Variants in SERPINB9 observed in about 807,000 individuals in gnomAD.
The protein encoded by SERPINB9 is serpin family B member 9, also known as serpin B9.
A neutral mutation model predicts 27.2 loss-of-function variants in SERPINB9; 20 were observed. The observed-to-expected ratio is 0.74, with a 90% CI of 0.52 to 1.07. The LOEUF (loss-of-function observed/expected upper bound fraction) is 1.07. Ranked by LOEUF, SERPINB9 falls within the 50% of genes least tolerant of loss-of-function variation. SERPINB9 has a pLI of 0.00. For synonymous variants in SERPINB9, 189 were observed against 180.0 expected (o/e 1.05, Z -0.40); for missense variants, 476 against 460.1 (o/e 1.03, Z -0.32).
Position 2,894,144 on chromosome 6 carries a change from G to A in SERPINB9, c.425-591C>T, listed in dbSNP as rs1767917371. ...GGAGATCAAGTGGTACTGTTTCAAT[G>A]AACTGAGGGCATCCCTGCTAACCCA... On this transcript the variant is annotated intron_variant, in intron 4 of 6. Transcript: ENST00000380698. The surrounding 1 kb of genome is among the most constrained non-coding windows in gnomAD (Gnocchi z 4.7). Among the ~76,000 whole-genome samples, 1 of 152,092 alleles carries A rather than the reference G, an allele frequency of 6.6e-6. No individual in the cohort carries two copies. Among genetic ancestry groups the A allele is most frequent in the South Asian group, 2.1e-4 (1 of 4,822 alleles).
Position 2,891,797 on chromosome 6 carries a change from G to A in SERPINB9, c.723+36C>T, listed in dbSNP as rs1389874509. On this transcript the variant is annotated intron_variant, in intron 6 of 6. Coordinates refer to ENST00000380698, the MANE Select transcript of SERPINB9 (RefSeq NM_004155.6). This position sits in a 1 kb window ranked among gnomAD's most constrained non-coding sequence, Gnocchi z 4.0. ...GTGGCACTCGAGTTCTGCCCGCAAA[G>A]GTGTCCCTGGGTTCTTCCCGCAGCC... is the stretch of plus-strand genomic sequence containing the variant. 7.1e-6 allele frequency: 11 copies of A among 1,554,946 alleles called. No individual in the cohort carries two copies. The highest frequency in any genetic ancestry group is 2.1e-5 in the Admixed American group (1 of 47,978).
intron 2 of SERPINB9, among the ~76,000 whole-genome samples, chr6:2,899,486 T>C (rs1768121000): frequency 6.6e-6 from 1 of 152,232 alleles, no homozygotes; most frequent in African/African-American, 2.4e-5. Flanking sequence ...TTGCCAAAAA[T>C]AATTATTTCA....
chr6:2,900,752 G>A (rs1385373331), intron 1 of SERPINB9, 131 bp from the exon 2 acceptor site: 4 of 856,344 alleles, frequency 4.7e-6, no homozygotes, highest in Non-Finnish European at 7.2e-6. Context: ...TTAAATTGGA[G>A]AAAAATTTAT....
intron 1 of SERPINB9, among the ~76,000 whole-genome samples, chr6:2,901,459 G>T (rs1316488369): frequency 1.3e-5 from 2 of 149,774 alleles, no homozygotes; most frequent in African/African-American, 4.9e-5. Flanking sequence ...GTGAGAGGAA[G>T]GATCTGATCC....
intron 2 of SERPINB9, among the ~76,000 whole-genome samples, chr6:2,898,430 T>C (rs1429386438): frequency 6.6e-6 from 1 of 152,254 alleles, no homozygotes; most frequent in Non-Finnish European, 1.5e-5. Context: ...TTGCTTTACA[T>C]GGACTGTCTC....
At chr6:2,899,562 T>C (rs1253062581) in intron 2 of SERPINB9, among the ~76,000 whole-genome samples, 1 of 152,252 alleles carries the variant, frequency 6.6e-6, no homozygotes, top group Non-Finnish European at 1.5e-5. Context: ...CCTCCCTGAA[T>C]GTGCACATAG....
Position 2,896,197 on chromosome 6 carries a change from T to A in SERPINB9, c.169-7A>T. 6.2e-7 allele frequency: 1 copy of A among 1,611,342 alleles called. No individual in the cohort carries two copies. Among genetic ancestry groups the A allele is most frequent in the Non-Finnish European group, 8.5e-7 (1 of 1,179,088 alleles). Reference sequence around the variant, plus strand: ...CTGTGTTTAAAGACAGTGCCTGTTGTGAAAGATAATTTTAAAAGTTATCAA... The same window carrying A: ...CTGTGTTTAAAGACAGTGCCTGTTGAGAAAGATAATTTTAAAAGTTATCAA... On this transcript the variant is annotated splice_region_variant and splice_polypyrimidine_tract_variant and intron_variant, in intron 2 of 6. Transcript: ENST00000380698.
At chr6:2,893,356 T>G in intron 5 of SERPINB9, 55 bp downstream of exon 5, 1 of 1,562,394 alleles carries the variant, frequency 6.4e-7, no homozygotes, top group Non-Finnish European at 8.7e-7. Flanking sequence ...CAAAGTTAAA[T>G]CTTTCCATTC....
Position 2,902,042 on chromosome 6 carries a change from C to T in SERPINB9, c.-11+1159G>A, listed in dbSNP as rs539526636. Among the ~76,000 whole-genome samples the T allele has an allele frequency of 6.6e-5, 10 of 152,270 alleles. No homozygotes were observed. In the South Asian group the frequency reaches 1.9e-3, roughly 28 times the overall value. On this transcript the variant is annotated intron_variant, in intron 1 of 6. Transcript: ENST00000380698. ...CTTAGGCCCCTCAAAGGTGGCCGCT[C>T]AAAGCCACCTTGTTAAAACGGTGTC...
intron 1 of SERPINB9, 38 bp from the exon 2 acceptor site, chr6:2,900,659 C>G (rs776371410): frequency 1.0e-5 from 16 of 1,579,156 alleles, no homozygotes; most frequent in Non-Finnish European, 1.3e-5. Flanking sequence ...AGTTTCCACA[C>G]TCCCTGAATG....
At chr6:2,898,588 C>T (rs552770938) in intron 2 of SERPINB9, among the ~76,000 whole-genome samples, 4 of 152,268 alleles carry the variant, frequency 2.6e-5, no homozygotes, top group African/African-American at 4.8e-5. Context: ...GAGGCCAAGG[C>T]GGGTGGATCA....
rs551493451 is a variant in SERPINB9, at chr6:2,890,875, G to A, written c.724-305C>T. On this transcript the variant is annotated intron_variant, in intron 6 of 6. Transcript: ENST00000380698. This position sits in a 1 kb window ranked among gnomAD's most constrained non-coding sequence, Gnocchi z 6.2. ...CAAGTGTCAATGCCCAGGCGACTGT[G>A]TTTTTTTTTCAAACATAGTCTTTTT... 3.3e-5 allele frequency among the ~76,000 whole-genome samples: 5 copies of A among 150,674 alleles called. No homozygotes were observed. Among genetic ancestry groups the A allele is most frequent in the Non-Finnish European group, 7.4e-5 (5 of 67,622 alleles).
rs1483451648 is a variant in SERPINB9, at chr6:2,896,184, A to C, written c.175T>G (p.Ser59Ala). The stretch of plus-strand genomic sequence containing the variant: ...TGAATGTCTTCCTCTGTGTTTAAAG[A>C]CAGTGCCTGTTGTGAAAGATAATTT... Reference protein sequence around the residue: ...NTATQMAQALSLNTEEDIHRA... With the variant: ...NTATQMAQALALNTEEDIHRA... Residue 59 changes from serine to alanine, a missense_variant, in exon 3 of 7, where the codon TCT becomes GCT. By Grantham distance (99) the Ser-to-Ala change is moderately conservative. Transcript: ENST00000380698. 1 of 1,613,294 alleles carries C rather than the reference A, an allele frequency of 6.2e-7. No homozygotes were observed. Among genetic ancestry groups the C allele is most frequent in the Admixed American group, 1.7e-5 (1 of 59,762 alleles).
intron 5 of SERPINB9, 111 bp downstream of exon 5, chr6:2,893,300 A>C: frequency 9.6e-7 from 1 of 1,045,042 alleles, no homozygotes; most frequent in Non-Finnish European, 1.3e-6. Flanking sequence ...AAATACTTTA[A>C]GTTTCAAATT....
rs1472981953 is a variant in SERPINB9, at chr6:2,891,891, G to A, written c.665C>T (p.Ala222Val). Residue 222 changes from alanine (A) to valine (V), a missense_variant, in exon 6 of 7, where the codon GCC becomes GTC. Physicochemically the swap from Ala to Val is moderately conservative, Grantham distance 64. Transcript: ENST00000380698. This position sits in a 1 kb window ranked among gnomAD's most constrained non-coding sequence, Gnocchi z 4.0. ...VRAQLLELPY[A>V]RKELSLLVLL... ...CACCAGCAGGCTCAGCTCCTTCCTGGCGTAGGGCAGCTCCAGCAGCTGCGC... is the reference window on the plus strand; with the variant it reads ...CACCAGCAGGCTCAGCTCCTTCCTGACGTAGGGCAGCTCCAGCAGCTGCGC... The A allele has an allele frequency of 6.2e-7, 1 of 1,612,436 alleles. No homozygotes were observed. The highest frequency in any genetic ancestry group is 1.3e-5 in the African/African-American group (1 of 74,954).
chr6:2,901,664 G>T (rs1768205892), intron 1 of SERPINB9, among the ~76,000 whole-genome samples: 1 of 151,998 alleles, frequency 6.6e-6, no homozygotes, highest in South Asian at 2.1e-4. Flanking sequence ...TTGGAAATGA[G>T]ACCCTGACTC....
At chr6:2,899,201 C>G (rs942267944) in intron 2 of SERPINB9, among the ~76,000 whole-genome samples, 16 of 152,092 alleles carry the variant, frequency 1.1e-4, no homozygotes, top group African/African-American at 3.1e-4. Context: ...AAAGATCATA[C>G]AGATTTCAGC....
rs1304628486 is a variant in SERPINB9, at chr6:2,900,580, A to G, written c.32T>C (p.Phe11Ser). The G allele has an allele frequency of 3.1e-6, 5 of 1,614,054 alleles. No homozygotes were observed. The highest frequency in any genetic ancestry group is 4.2e-6 in the Non-Finnish European group (5 of 1,180,042). The stretch of plus-strand genomic sequence containing the variant: ...CAGTATCTTTAAAAGGCGTATGGCA[A>G]AAGTACCACTTGCATTAGAAAGAGT... Reference protein sequence around the residue: METLSNASGTFAIRLLKILCQ... With the variant: METLSNASGTSAIRLLKILCQ... The change falls in exon 2 of 7, where the codon TTT becomes TCT. Residue 11 changes from phenylalanine (F) to serine (S), a missense_variant. Coordinates refer to ENST00000380698, the MANE Select transcript of SERPINB9 (RefSeq NM_004155.6).
In SERPINB9 at chr6:2,890,920, T is replaced by C. The variant is rs1767777704; in HGVS notation, c.724-350A>G. ...CTTTTTAAAGACAACAAACCATTGCTAGTAAAGAAAAGGATTGGAAACGAA... is the reference window on the plus strand; with the variant it reads ...CTTTTTAAAGACAACAAACCATTGCCAGTAAAGAAAAGGATTGGAAACGAA... On this transcript the variant is annotated intron_variant, in intron 6 of 6. Coordinates refer to ENST00000380698, the MANE Select transcript of SERPINB9 (RefSeq NM_004155.6). This position sits in a 1 kb window ranked among gnomAD's most constrained non-coding sequence, Gnocchi z 6.2. 6.6e-6 allele frequency among the ~76,000 whole-genome samples: 1 copy of C among 151,962 alleles called. No homozygotes were observed. The highest frequency in any genetic ancestry group is 1.5e-5 in the Non-Finnish European group (1 of 67,988).
Sources: allele counts gnomAD v4.1 joint callset (sites outside exome capture counted in the v4.1 genomes callset), GRCh38; gene constraint gnomAD v4.1.1; non-coding constraint Gnocchi (gnomAD v3.1); transcripts MANE v1.5; gene names NCBI Gene and HGNC (gene_info 2026-07-23, HGNC 2026-07-21).